ZPLD1: variants seen among roughly 807,000 people sequenced by gnomAD.
The protein encoded by ZPLD1 is zona pellucida-like domain-containing protein 1.
In ZPLD1, 34 loss-of-function variants were observed where a neutral mutation model predicts 47.2. The ratio of observed to expected loss-of-function variants is 0.72; its 90% CI spans 0.55 to 0.96. The LOEUF (loss-of-function observed/expected upper bound fraction) is 0.96. ZPLD1 is among the 40% of genes least tolerant of loss of function. The pLI is 0.00. For missense variants in ZPLD1, 512 were observed against 505.8 expected (o/e 1.01, Z -0.12); for synonymous variants, 176 against 186.2 (o/e 0.95, Z 0.45).
chr3:102,479,231 C>T lies in ZPLD1; in HGVS notation c.*1613C>T, dbSNP rs1707803564. The T allele has an allele frequency of 6.6e-6, 1 of 152,042 alleles. No homozygotes were observed. The highest frequency in any genetic ancestry group is 6.6e-5 in the Admixed American group (1 of 15,264). The allele number at this position is 152,042 out of a possible 1,614,324, so 9.4% of individuals were successfully genotyped here. On this transcript the variant is annotated 3_prime_UTR_variant, in exon 12 of 12. Coordinates refer to ENST00000466937, the MANE Select transcript of ZPLD1 (RefSeq NM_001329788.2). Reference sequence around the variant, plus strand: ...CACATAAAAAGCCAATCTACTCTTCCCTGTGTTACTTTAAAATAACTTTGA... The same window carrying T: ...CACATAAAAAGCCAATCTACTCTTCTCTGTGTTACTTTAAAATAACTTTGA...
chr3:102,475,675 A>G (rs1041880233), intron 10 of ZPLD1, among the ~76,000 whole-genome samples: 2 of 152,122 alleles, frequency 1.3e-5, no homozygotes, highest in African/African-American at 2.4e-5. Context: ...TGAATGTTGT[A>G]TAATAAAAAT....
In ZPLD1 at chr3:102,478,948, A is replaced by G. The variant is rs979186894; in HGVS notation, c.*1330A>G. 1 of 152,196 alleles carries G rather than the reference A, an allele frequency of 6.6e-6. No individual in the cohort carries two copies. The highest frequency in any genetic ancestry group is 2.4e-5 in the African/African-American group (1 of 41,460). The allele number at this position is 152,196 out of a possible 1,614,324, so 9.4% of individuals were successfully genotyped here. On this transcript the variant is annotated 3_prime_UTR_variant, in exon 12 of 12. Transcript: ENST00000466937. ...CAACATTTGTGACCCATTAGTCCGG[A>G]CTTAATTTACTATACTGCATGCAAA...
intron 7 of ZPLD1, among the ~76,000 whole-genome samples, chr3:102,463,655 T>C (rs946831873): frequency 5.3e-5 from 8 of 152,076 alleles, no homozygotes; most frequent in Admixed American, 3.9e-4. Flanking sequence ...CAGGCATGCA[T>C]GTGAAATAAG....
chr3:102,477,704 C>T lies in ZPLD1; in HGVS notation c.*86C>T. ...TCAGTGTTCCGTCTGAATTTCATGT[C>T]AGTCCACATTCAATATTTGTAGGTT... is the stretch of plus-strand genomic sequence containing the variant. On this transcript the variant is annotated 3_prime_UTR_variant, in exon 12 of 12. Coordinates refer to ENST00000466937, the MANE Select transcript of ZPLD1 (RefSeq NM_001329788.2). 1 of 1,223,794 alleles carries T rather than the reference C, an allele frequency of 8.2e-7. No individual in the cohort carries two copies. The highest frequency in any genetic ancestry group is 1.6e-5 in the South Asian group (1 of 61,870). The allele number at this position is 1,223,794 out of a possible 1,614,324, so 75.8% of individuals were successfully genotyped here.
chr3:102,428,984 G>A (rs144392912), intron 8 of ZPLD1, among the ~76,000 whole-genome samples: 326 of 152,144 alleles, frequency 2.1e-3, no homozygotes, highest in African/African-American at 7.5e-3. Flanking sequence ...ATATATGCCT[G>A]GGCTTAAGTG....
chr3:102,431,575 GTTTC>G (rs998895570), upstream of ZPLD1, among the ~76,000 whole-genome samples: 68 of 152,258 alleles, frequency 4.5e-4, no homozygotes, highest in African/African-American at 1.6e-3. Context: ...CAGAGAACAT[GTTTC>G]TTTATTAAGG....
chr3:102,453,041 T>C lies in ZPLD1; in HGVS notation c.229T>C (p.Ser77Pro). 6.2e-7 allele frequency: 1 copy of C among 1,614,108 alleles called. No homozygotes were observed. The highest frequency in any genetic ancestry group is 2.2e-5 in the East Asian group (1 of 44,872). Residue 77 changes from serine (S) to proline (P), a missense_variant, in exon 4 of 12, where the codon TCC (serine) becomes CCC (proline). Transcript: ENST00000466937. ...DLALNGRHGD[S>P]HCRGFINNNT... ...GGCACTGAATGGAAGGCATGGGGAC[T>C]CCCACTGCAGAGGGTTCATCAATAA...
At chr3:102,456,056 G>A (rs997938760) in intron 4 of ZPLD1, 137 bp from the exon 5 acceptor site, 39 of 592,102 alleles carry the variant, frequency 6.6e-5, no homozygotes, top group Middle Eastern at 3.5e-4. Context: ...TTATAAACTT[G>A]ATATTTCAAA....
At position 102,435,171 on chromosome 3, in the gene ZPLD1, G is replaced by A. The variant is rs1242113365; in HGVS notation, c.-123+17G>A. Reference sequence around the variant, plus strand: ...ATGATGAAGGTAAGGTTGAGGATGGGAAATTTGCAAGATAATAGTTCATCA... The same window carrying A: ...ATGATGAAGGTAAGGTTGAGGATGGAAAATTTGCAAGATAATAGTTCATCA... On this transcript the variant is annotated intron_variant, in intron 1 of 11. Coordinates refer to ENST00000466937, the MANE Select transcript of ZPLD1 (RefSeq NM_001329788.2). 2 of 1,613,974 alleles carry A rather than the reference G, an allele frequency of 1.2e-6. No homozygotes were observed. The highest frequency in any genetic ancestry group is 1.7e-6 in the Non-Finnish European group (2 of 1,179,880).
chr3:102,440,434 A>C (rs1191841928), intron 3 of ZPLD1, among the ~76,000 whole-genome samples: 5 of 152,160 alleles, frequency 3.3e-5, no homozygotes, highest in Non-Finnish European at 7.3e-5. Context: ...GGATGTTTTT[A>C]ACTGGAACAA....
chr3:102,435,281 A>G, intron 1 of ZPLD1, 127 bp downstream of exon 1: 1 of 1,003,460 alleles, frequency 1.0e-6, no homozygotes, highest in Admixed American at 1.9e-5. Flanking sequence ...CAAAATAGGG[A>G]TACTGCCTTT....
chr3:102,451,391 A>ATCCCC (rs1376395469), intron 3 of ZPLD1, among the ~76,000 whole-genome samples: 7 of 152,188 alleles, frequency 4.6e-5, no homozygotes, highest in Non-Finnish European at 8.8e-5. Flanking sequence ...AATCAAGGTC[A>ATCCCC]TTTCCCCATT....
At chr3:102,401,276 G>A (rs1239937053) in intron 7 of ZPLD1, among the ~76,000 whole-genome samples, 3 of 152,052 alleles carry the variant, frequency 2.0e-5, no homozygotes, top group Non-Finnish European at 4.4e-5. Flanking sequence ...TATGTGCATT[G>A]TGTGCATCTC....
intron 4 of ZPLD1, among the ~76,000 whole-genome samples, chr3:102,455,509 A>T (rs1033780750): frequency 6.6e-5 from 10 of 152,210 alleles, no homozygotes; most frequent in African/African-American, 2.4e-4. Context: ...GAAGACCCTG[A>T]GAAGATTAAT....
In ZPLD1 at chr3:102,435,302, T is replaced by C; in HGVS notation, c.-123+148T>C. ...AGGGATACTGCCTTTATAAGAGATATGGGTGTCCTTTTAAAATTCCTTGCC... is the reference window on the plus strand; with the variant it reads ...AGGGATACTGCCTTTATAAGAGATACGGGTGTCCTTTTAAAATTCCTTGCC... On this transcript the variant is annotated intron_variant, in intron 1 of 11. Transcript: ENST00000466937. The C allele has an allele frequency of 3.7e-6, 3 of 811,840 alleles. 1 individual carries two copies. Among genetic ancestry groups the C allele is most frequent in the Admixed American group, 4.9e-5 (2 of 40,946 alleles). 50.3% of individuals were successfully genotyped at this position (811,840 alleles called of 1,614,324 possible).
intron 6 of ZPLD1, among the ~76,000 whole-genome samples, chr3:102,460,008 A>T (rs1453014539): frequency 1.3e-5 from 2 of 152,104 alleles, no homozygotes; most frequent in African/African-American, 4.8e-5. Context: ...ACACAGTGTC[A>T]TCATAGTATT....
chr3:102,399,361 T>C (rs565413586), intron 7 of ZPLD1, among the ~76,000 whole-genome samples: 22 of 152,252 alleles, frequency 1.4e-4, no homozygotes, highest in Non-Finnish European at 2.4e-4. Context: ...TCGCCTCTCA[T>C]TCCTTATCCA....
intron 7 of ZPLD1, among the ~76,000 whole-genome samples, chr3:102,406,853 A>G (rs529831082): frequency 2.1e-4 from 32 of 151,970 alleles, no homozygotes; most frequent in African/African-American, 7.5e-4. Context: ...CCAATTATTT[A>G]TGGTGTCAAC....
At position 102,472,229 on chromosome 3, in the gene ZPLD1, C is replaced by T. The variant is rs566252946; in HGVS notation, c.1042+1727C>T. On this transcript the variant is annotated intron_variant, in intron 10 of 11. Transcript: ENST00000466937. ...GAAGATTTTTGGTATGTGCTTTGAC[C>T]GGCTTAAAAATGACTGGTTTGGCTG... 7.9e-5 allele frequency among the ~76,000 whole-genome samples: 12 copies of T among 152,138 alleles called. No homozygotes were observed. The East Asian group carries it at 1.5e-3, about 20-fold the overall frequency.
Sources: gnomAD v4.1 joint callset for allele counts (sites outside exome capture counted in the v4.1 genomes callset) on GRCh38, gnomAD v4.1.1 for gene constraint, MANE v1.5 for transcripts, NCBI Gene and HGNC (gene_info 2026-07-23, HGNC 2026-07-21) for gene names.